PELI3: variants seen among roughly 807,000 people sequenced by gnomAD.
PELI3 encodes pellino E3 ubiquitin protein ligase family member 3.
A neutral mutation model predicts 35.5 loss-of-function variants in PELI3; 19 were observed. The observed-to-expected ratio is 0.54, with a 90% CI of 0.37 to 0.79. The LOEUF is 0.79. PELI3 is among the 30% of genes least tolerant of loss of function. PELI3 has a pLI of 0.00. For synonymous variants in PELI3, 262 were observed against 279.2 expected, an observed-to-expected ratio of 0.94 and a Z score of 0.62; for missense variants, 490 against 661.2, an observed-to-expected ratio of 0.74 and a Z score of 2.84.
chr11:66,471,408 C>T (rs1401264888), intron 4 of PELI3, 37 bp downstream of exon 4: 4 of 1,606,132 alleles, frequency 2.5e-6, no homozygotes, highest in Non-Finnish European at 3.4e-6. Context: ...GTCCTGCCCT[C>T]CCTGCCCAAG....
intron 4 of PELI3, 76 bp downstream of exon 4, chr11:66,471,447 C>T: frequency 6.4e-7 from 1 of 1,557,854 alleles, no homozygotes; most frequent in South Asian, 1.2e-5. Context: ...CCAGGTCCTA[C>T]CTGCCCACAG....
chr11:66,466,358 TGCTTTCCCCGGCCTCCACC>T (rs1227908314), upstream of PELI3: 1 of 152,538 alleles, frequency 6.6e-6, no homozygotes, highest in East Asian at 1.9e-4. Flanking sequence ...CAACTGCAGC[TGCTTTCCCCGGCCTCCACC>T]GCTGCCGCAC....
In PELI3 at chr11:66,472,846, G is replaced by A. The variant is rs1407842045; in HGVS notation, c.456+376G>A. 2.0e-5 allele frequency among the ~76,000 whole-genome samples: 3 copies of A among 152,182 alleles called. No individual in the cohort carries two copies. The East Asian group carries it at 5.8e-4, about 29-fold the overall frequency. On this transcript the variant is annotated intron_variant, in intron 5 of 7. Transcript: ENST00000320740. ...GGCCCATAATAGTACCCACCCCACGGGAAGATTAACTTAGGCATTGCATAT... is the reference window on the plus strand; with the variant it reads ...GGCCCATAATAGTACCCACCCCACGAGAAGATTAACTTAGGCATTGCATAT...
At position 66,468,838 on chromosome 11, in the gene PELI3, G is replaced by C. The variant is rs1054605429; in HGVS notation, c.158G>C (p.Cys53Ser). ...KYGELIVLGCCEEGGEETEAQ... is the reference protein window; with the variant it reads ...KYGELIVLGCSEEGGEETEAQ... ...TCATTTCAATCTTCACAAAGATGCTGTGAGGAAGGAGGTGAGGAAACCGAG... is the reference window on the plus strand; with the variant it reads ...TCATTTCAATCTTCACAAAGATGCTCTGAGGAAGGAGGTGAGGAAACCGAG... The change falls in exon 3 of 8, where the codon TGT (cysteine) becomes TCT (serine). Residue 53 changes from cysteine (C) to serine (S), a missense_variant. Physicochemically the swap from Cys to Ser is moderately radical, Grantham distance 112 (BLOSUM62 -1). This residue lies in a region of PELI3 where 137 missense variants were observed against 157.1 expected (regional missense o/e 0.87). Transcript: ENST00000320740. The C allele has an allele frequency of 1.3e-6, 1 of 780,098 alleles. No individual in the cohort carries two copies. Among genetic ancestry groups the C allele is most frequent in the East Asian group, 2.4e-5 (1 of 41,208 alleles). The allele number at this position is 780,098 out of a possible 1,614,324, so 48.3% of individuals were successfully genotyped here. A position where few individuals can be genotyped will look rare whatever the true frequency, so the allele number is the denominator to read the frequency against.
At position 66,471,318 on chromosome 11, in the gene PELI3, A is replaced by G; in HGVS notation, c.301A>G (p.Asn101Asp). Residue 101 changes from asparagine (N) to aspartate (D), a missense_variant, in exon 4 of 8, where the codon AAC becomes GAC. Around this residue, in one of 3 missense-constraint regions of PELI3, gnomAD observed 137 missense variants for 157.1 expected, o/e 0.87. Coordinates refer to ENST00000320740, the MANE Select transcript of PELI3 (RefSeq NM_145065.3). ...RLALSRRSHA[N>D]GVKPDVMHHI... ...GGCACTGAGCCGCCGGTCGCACGCC[A>G]ACGGGGTGAAGCCAGACGTCATGCA... 4 of 1,614,002 alleles carry G rather than the reference A, an allele frequency of 2.5e-6. No individual in the cohort carries two copies. Among genetic ancestry groups the G allele is most frequent in the Non-Finnish European group, 3.4e-6 (4 of 1,179,996 alleles).
intron 5 of PELI3, 48 bp downstream of exon 5, chr11:66,472,518 C>T (rs747193361): frequency 6.7e-7 from 1 of 1,499,412 alleles, no homozygotes; most frequent in Non-Finnish European, 9.3e-7. Flanking sequence ...GGCCTCTAGG[C>T]TCTGCAAGCA....
intron 7 of PELI3, chr11:66,475,041 AT>A: frequency 6.5e-6 from 1 of 154,682 alleles, no homozygotes. Context: ...TGATGGATTC[AT>A]TTAATCTTCA....
rs35712240 is a variant in PELI3 at position 66,475,747 on chromosome 11, C to T, written c.990C>T (p.Pro330=). 4 of 1,611,260 alleles carry T rather than the reference C, an allele frequency of 2.5e-6. No homozygotes were observed. The South Asian group carries it at 4.4e-5, about 18-fold the overall frequency. Residue 330 remains proline (P), a synonymous_variant, in exon 8 of 8, where the codon CCC becomes CCT. Coordinates refer to ENST00000320740, the MANE Select transcript of PELI3 (RefSeq NM_145065.3). ...GGCAGGAGGCAAATGCAGCGCGGCC[C>T]CAGTGCCCCGTGGGCCTCAGCACTC... is the stretch of plus-strand genomic sequence containing the variant. The part of the protein sequence containing the change: ...AQRQEANAAR[P]QCPVGLSTLA...
At position 66,472,350 on chromosome 11, in the gene PELI3, A is replaced by T. The variant is rs1854752718; in HGVS notation, c.355-19A>T. ...TCATGGCTGCACACCCTGGCAAGTG[A>T]CTTTTTTCTCCCCACCAGGCACTGA... On this transcript the variant is annotated intron_variant, in intron 4 of 7. Coordinates refer to ENST00000320740, the MANE Select transcript of PELI3 (RefSeq NM_145065.3). The T allele has an allele frequency of 1.2e-6, 2 of 1,603,882 alleles. No individual in the cohort carries two copies. The highest frequency in any genetic ancestry group is 1.7e-6 in the Non-Finnish European group (2 of 1,171,088).
Position 66,468,278 on chromosome 11 carries a change from G to A in PELI3, c.150G>A (p.Leu50=). The A allele has an allele frequency of 6.6e-7, 1 of 1,506,452 alleles. No homozygotes were observed. The allele number at this position is 1,506,452 out of a possible 1,614,324, so 93.3% of individuals were successfully genotyped here. A position where few individuals can be genotyped will look rare whatever the true frequency, so the allele number is the denominator to read the frequency against. Residue 50 remains leucine (L), a splice_region_variant and synonymous_variant, in exon 2 of 8, where the codon CTG becomes CTA. Coordinates refer to ENST00000320740, the MANE Select transcript of PELI3 (RefSeq NM_145065.3). ...TCAAGTATGGTGAACTCATCGTCCTGGGGTGAGCATCCCTGGCCTAGAAGG... is the reference window on the plus strand; with the variant it reads ...TCAAGTATGGTGAACTCATCGTCCTAGGGTGAGCATCCCTGGCCTAGAAGG... ...EPIKYGELIV[L]GCCEEGGEET...
At position 66,468,117 on chromosome 11, in the gene PELI3, ACT is replaced by A. The variant is rs747197351; in HGVS notation, c.-1-8_-1-7del. The A allele has an allele frequency of 6.8e-5, 109 of 1,591,486 alleles. No individual in the cohort carries two copies. The highest frequency in any genetic ancestry group is 8.3e-5 in the Non-Finnish European group (97 of 1,167,760). On this transcript the variant is annotated splice_polypyrimidine_tract_variant and intron_variant, in intron 1 of 7. Coordinates refer to ENST00000320740, the MANE Select transcript of PELI3 (RefSeq NM_145065.3). ...AACCTACAAAGCTCTTTTCTCTCCCACTCTGCCCAGAATGGTGCTGGAAGGAA... is the reference window on the plus strand; with the variant it reads ...AACCTACAAAGCTCTTTTCTCTCCCACTGCCCAGAATGGTGCTGGAAGGAA...
chr11:66,473,552 C>G lies in PELI3; in HGVS notation c.651+117C>G. On this transcript the variant is annotated intron_variant, in intron 6 of 7. Transcript: ENST00000320740. The surrounding 1 kb of genome is among the most constrained non-coding windows in gnomAD (Gnocchi z 5.8). ...ACAGTAATCCAAATGGTGGTCCTGG[C>G]AGTTAGCAACCCCACCTAACTGATG... 1 of 1,343,808 alleles carries G rather than the reference C, an allele frequency of 7.4e-7. No homozygotes were observed. The highest frequency in any genetic ancestry group is 2.6e-5 in the Admixed American group (1 of 38,924). The allele number at this position is 1,343,808 out of a possible 1,614,324, so 83.2% of individuals were successfully genotyped here.
rs1276320327 is a variant in PELI3 at position 66,472,444 on chromosome 11, C to T, written c.430C>T (p.His144Tyr). 3 of 1,613,968 alleles carry T rather than the reference C, an allele frequency of 1.9e-6. No individual in the cohort carries two copies. Among genetic ancestry groups the T allele is most frequent in the East Asian group, 2.2e-5 (1 of 44,896 alleles). ...CCACTCGGTCATAGTGGAGTATACACATGATAGCGACACAGACATGTTCCA... is the reference window on the plus strand; with the variant it reads ...CCACTCGGTCATAGTGGAGTATACATATGATAGCGACACAGACATGTTCCA... ...RSHSVIVEYTHDSDTDMFQIG... is the reference protein window; with the variant it reads ...RSHSVIVEYTYDSDTDMFQIG... Residue 144 changes from histidine (H) to tyrosine (Y), a missense_variant, in exon 5 of 8, where the codon CAT becomes TAT. His to Tyr is a moderately conservative substitution (Grantham distance 83). This residue lies in a region of PELI3 where 349 missense variants were observed against 484.8 expected (regional missense o/e 0.72). Transcript: ENST00000320740.
chr11:66,469,804 G>GTT (rs1330000663), intron 3 of PELI3, among the ~76,000 whole-genome samples: 19 of 129,976 alleles, frequency 1.5e-4, no homozygotes, highest in South Asian at 2.4e-4. Flanking sequence ...TTTTTTTTTT[G>GTT]TTTTTTTTTT....
chr11:66,472,125 C>T (rs1427378159), intron 4 of PELI3, among the ~76,000 whole-genome samples: 1 of 151,778 alleles, frequency 6.6e-6, no homozygotes, highest in African/African-American at 2.4e-5. Flanking sequence ...CCGCCCACCT[C>T]AGCCTCCCAA....
At chr11:66,468,370 G>T in intron 2 of PELI3, 90 bp downstream of exon 2, 1 of 1,293,808 alleles carries the variant, frequency 7.7e-7, no homozygotes, top group Non-Finnish European at 1.0e-6. Flanking sequence ...CCCCCACATA[G>T]GGCCTTCAGC....
chr11:66,470,047 G>A (rs1247586316), intron 3 of PELI3, among the ~76,000 whole-genome samples: 2 of 152,060 alleles, frequency 1.3e-5, no homozygotes, highest in East Asian at 3.8e-4. Context: ...TGATCTGCCT[G>A]CCTCGGTCTC....
chr11:66,473,833 G>A lies in PELI3; in HGVS notation c.748G>A (p.Asp250Asn), dbSNP rs1435186286. ...GCACCCGGCAGGCGGCTTCTCCGAG[G>A]ACTCAGCCCCGGGTGTCTGGCGGGA... Reference protein sequence around the residue: ...VMHPAGGFSEDSAPGVWREIS... With the variant: ...VMHPAGGFSENSAPGVWREIS... The change falls in exon 7 of 8, where the codon GAC becomes AAC. Residue 250 changes from aspartate to asparagine, a missense_variant. Coordinates refer to ENST00000320740, the MANE Select transcript of PELI3 (RefSeq NM_145065.3). The surrounding 1 kb of genome is among the most constrained non-coding windows in gnomAD (Gnocchi z 5.8). 6.2e-7 allele frequency: 1 copy of A among 1,613,896 alleles called. No homozygotes were observed. Among genetic ancestry groups the A allele is most frequent in the African/African-American group, 1.3e-5 (1 of 75,060 alleles).
At chr11:66,466,871 TG>T (rs1334562492), upstream of PELI3, 1 of 151,792 alleles carries the variant, frequency 6.6e-6, no homozygotes, top group Non-Finnish European at 1.5e-5. Context: ...GGAGCGTGGC[TG>T]TTCGCGCTCA....
Sources: allele counts gnomAD v4.1 joint callset (sites outside exome capture counted in the v4.1 genomes callset), GRCh38; gene constraint gnomAD v4.1.1; regional missense constraint gnomAD v4.1.1; non-coding constraint Gnocchi (gnomAD v3.1); transcripts MANE v1.5; gene names NCBI Gene and HGNC (gene_info 2026-07-23, HGNC 2026-07-21).